Variants in FGD6 observed in about 807,000 individuals in gnomAD.
FGD6 encodes the protein FYVE, RhoGEF and PH domain-containing protein 6.
In FGD6, 90 loss-of-function variants were observed where a neutral mutation model predicts 149.4. The ratio of observed to expected loss-of-function variants is 0.60; its 90% confidence interval spans 0.51 to 0.72. FGD6 has a LOEUF of 0.72. FGD6 is among the 30% of genes least tolerant of loss of function. The probability of loss-of-function intolerance (pLI) is 0.00; values close to 1 mark genes in which losing one functional copy is unlikely to be tolerated. For synonymous variants in FGD6, 527 were observed against 584.0 expected, an observed-to-expected ratio of 0.90 and a Z score of 1.41; for missense variants, 1,437 against 1,684.8, an observed-to-expected ratio of 0.85 and a Z score of 2.57.
At chr12:95,098,922 T>G (rs1878329996) in intron 14 of FGD6, among the ~76,000 whole-genome samples, 2 of 140,742 alleles carry the variant, frequency 1.4e-5, no homozygotes, top group Admixed American at 7.9e-5. Context: ...TAGGTTGGAG[T>G]GTAGTGGTGC....
intron 3 of FGD6, among the ~76,000 whole-genome samples, chr12:95,163,971 A>T (rs1880719737): frequency 1.3e-5 from 2 of 152,212 alleles, no homozygotes; most frequent in South Asian, 4.1e-4. Context: ...GCGATGGAAA[A>T]ACACACACCC....
intron 3 of FGD6, among the ~76,000 whole-genome samples, chr12:95,159,480 A>G (rs1278306448): frequency 6.6e-6 from 1 of 151,936 alleles, no homozygotes; most frequent in Non-Finnish European, 1.5e-5. Flanking sequence ...AAGATAAACC[A>G]TAGACTGGAG....
chr12:95,212,435 A>G (rs115597601), intron 1 of FGD6, among the ~76,000 whole-genome samples: 206 of 152,340 alleles, frequency 1.4e-3, no homozygotes, highest in Middle Eastern at 6.8e-3. Context: ...CTCCTATACT[A>G]TAGGAACCTA....
At chr12:95,129,818 G>A (rs897533955) in intron 8 of FGD6, among the ~76,000 whole-genome samples, 1 of 152,016 alleles carries the variant, frequency 6.6e-6, no homozygotes, top group South Asian at 2.1e-4. Flanking sequence ...GATTATAGGC[G>A]CATGCTACCA....
chr12:95,097,954 A>C (rs1172109415), intron 14 of FGD6, among the ~76,000 whole-genome samples: 3 of 152,214 alleles, frequency 2.0e-5, no homozygotes, highest in African/African-American at 7.2e-5. Context: ...GTGATGACAA[A>C]GTTAGGACTT....
At chr12:95,132,448 G>A (rs1879548897) in intron 8 of FGD6, among the ~76,000 whole-genome samples, 1 of 152,136 alleles carries the variant, frequency 6.6e-6, no homozygotes. Context: ...CAGTCGTAGT[G>A]TGTAAAATAA....
intron 20 of FGD6, among the ~76,000 whole-genome samples, chr12:95,084,074 T>C (rs1051296281): frequency 3.3e-5 from 5 of 152,214 alleles, no homozygotes; most frequent in Non-Finnish European, 7.3e-5. Context: ...CCAAAGAAGT[T>C]AGCGAGCAGC....
intron 5 of FGD6, among the ~76,000 whole-genome samples, chr12:95,152,549 A>G (rs1227629056): frequency 6.6e-6 from 1 of 152,232 alleles, no homozygotes; most frequent in African/African-American, 2.4e-5. Context: ...TGCTAATGCA[A>G]AACTCTAACA....
At chr12:95,180,147 G>A (rs1180450114) in intron 2 of FGD6, among the ~76,000 whole-genome samples, 1 of 151,592 alleles carries the variant, frequency 6.6e-6, no homozygotes, top group African/African-American at 2.4e-5. Context: ...ATATTGTTAG[G>A]TTAAAAAGAA....
intron 14 of FGD6, among the ~76,000 whole-genome samples, chr12:95,102,281 T>C (rs1391409480): frequency 6.6e-6 from 1 of 151,638 alleles, no homozygotes; most frequent in African/African-American, 2.4e-5. Flanking sequence ...CTGTCTCTAC[T>C]AAAAATTAAA....
chr12:95,137,160 T>A (rs1879690191), intron 7 of FGD6, among the ~76,000 whole-genome samples: 2 of 152,096 alleles, frequency 1.3e-5, no homozygotes, highest in South Asian at 4.1e-4. Context: ...GTGCTTGTAA[T>A]CCCAACTACT....
chr12:95,084,500 C>G lies in FGD6; in HGVS notation c.4254G>C (p.Gln1418His). Reference protein sequence around the residue: ...VFKAEDAHSAQKWIEAFQEGT... With the variant: ...VFKAEDAHSAHKWIEAFQEGT... ...AAAAATATGGCCAGATTACTTACTT[C>G]TGAGCCGAATGAGCATCCTCTGCTT... The change falls in exon 20 of 21, where the codon CAG becomes CAC. Residue 1418 changes from glutamine (Q) to histidine (H), a missense_variant and splice_region_variant. Coordinates refer to ENST00000343958, the MANE Select transcript of FGD6 (RefSeq NM_018351.4). 6.4e-7 allele frequency: 1 copy of G among 1,558,230 alleles called. No homozygotes were observed. The highest frequency in any genetic ancestry group is 8.6e-7 in the Non-Finnish European group (1 of 1,160,426).
chr12:95,086,406 A>G (rs191076291), intron 18 of FGD6, among the ~76,000 whole-genome samples: 2 of 152,292 alleles, frequency 1.3e-5, no homozygotes, highest in Admixed American at 6.5e-5. Context: ...AGCTCATTTT[A>G]AGAATCAATC....
intron 3 of FGD6, among the ~76,000 whole-genome samples, chr12:95,163,959 C>T (rs1880719265): frequency 1.3e-5 from 2 of 152,178 alleles, no homozygotes; most frequent in Non-Finnish European, 2.9e-5. Context: ...CCAAGTCAAA[C>T]AGCGATGGAA....
intron 13 of FGD6, among the ~76,000 whole-genome samples, chr12:95,106,561 G>A (rs1878632293): frequency 6.6e-6 from 1 of 151,878 alleles, no homozygotes; most frequent in Non-Finnish European, 1.5e-5. Context: ...TAGGATTATA[G>A]GCATGTGAGC....
intron 8 of FGD6, among the ~76,000 whole-genome samples, chr12:95,124,967 T>C (rs1879292754): frequency 6.6e-6 from 1 of 152,214 alleles, no homozygotes; most frequent in African/African-American, 2.4e-5. Flanking sequence ...AAGAAGTGCA[T>C]GCATTAATTA....
chr12:95,112,299 T>G (rs1375352828), intron 9 of FGD6, among the ~76,000 whole-genome samples: 2 of 151,104 alleles, frequency 1.3e-5, no homozygotes, highest in Non-Finnish European at 2.9e-5. Context: ...AACATGTTTC[T>G]GCAGTTAGAC....
At chr12:95,113,914 T>C (rs539967442) in intron 8 of FGD6, among the ~76,000 whole-genome samples, 4 of 152,256 alleles carry the variant, frequency 2.6e-5, no homozygotes, top group South Asian at 4.1e-4. Flanking sequence ...GGAGGAAACA[T>C]TGGTTATTTT....
Position 95,077,764 on chromosome 12 carries a change from A to C in FGD6, c.*3756T>G, listed in dbSNP as rs879194678. ...CTTGAGTAATTGCAGAGTCTTGTTG[A>C]GAGTTAGAGGCAGATTCTGGAGTCT... On this transcript the variant is annotated 3_prime_UTR_variant, in exon 21 of 21. Transcript: ENST00000343958. The C allele has an allele frequency of 1.3e-5, 2 of 152,222 alleles. No homozygotes were observed. The highest frequency in any genetic ancestry group is 6.5e-5 in the Admixed American group (1 of 15,278). The allele number at this position is 152,222 out of a possible 1,614,324, so 9.4% of individuals were successfully genotyped here. A position where few individuals can be genotyped will look rare whatever the true frequency, so the allele number is the denominator to read the frequency against.
Sources: allele counts gnomAD v4.1 joint callset (sites outside exome capture counted in the v4.1 genomes callset), GRCh38; gene constraint gnomAD v4.1.1; transcripts MANE v1.5; gene names NCBI Gene and HGNC (gene_info 2026-07-23, HGNC 2026-07-21).